Variants in NOX3 observed in about 807,000 individuals in gnomAD.
NOX3 encodes NADPH oxidase 3.
Under a neutral mutation model 76.7 loss-of-function variants are expected in NOX3, and 74 were observed. The observed-to-expected ratio is 0.96, with a 90% CI of 0.80 to 1.17. NOX3 has a LOEUF of 1.17. Ranked by LOEUF, NOX3 falls within the 50% of genes most tolerant of loss-of-function variation. NOX3 has a pLI of 0.00. For synonymous variants in NOX3, 263 were observed against 261.1 expected (o/e 1.01, Z -0.07); for missense variants, 695 against 703.3 (o/e 0.99, Z 0.13).
intron 10 of NOX3, among the ~76,000 whole-genome samples, chr6:155,415,450 A>C (rs1042082809): frequency 6.6e-6 from 1 of 152,198 alleles, no homozygotes; most frequent in Non-Finnish European, 1.5e-5. Flanking sequence ...TTATATCCAA[A>C]ATAAATTTCC....
At position 155,397,049 on chromosome 6, in the gene NOX3, G is replaced by A. The variant is rs140902802; in HGVS notation, c.1581-87C>T. 35 of 1,261,832 alleles carry A rather than the reference G, an allele frequency of 2.8e-5. No individual in the cohort carries two copies. In the East Asian group the frequency reaches 6.9e-4, roughly 25 times the overall value. 78.2% of individuals were successfully genotyped at this position (1,261,832 alleles called of 1,614,324 possible). A position where few individuals can be genotyped will look rare whatever the true frequency, so the allele number is the denominator to read the frequency against. On this transcript the variant is annotated intron_variant, in intron 12 of 13. Coordinates refer to ENST00000159060, the MANE Select transcript of NOX3 (RefSeq NM_015718.3). ...AAGACAATGATAAGATTAATGAAGT[G>A]GTTGTGGCTTTACTTATTTATTTTT...
At chr6:155,423,810 C>T (rs569442840) in intron 9 of NOX3, among the ~76,000 whole-genome samples, 14 of 150,710 alleles carry the variant, frequency 9.3e-5, no homozygotes, top group Non-Finnish European at 1.9e-4. Context: ...ATGCGATCTC[C>T]GCTCTCTGCA....
intron 10 of NOX3, among the ~76,000 whole-genome samples, chr6:155,421,149 G>T (rs1047206364): frequency 6.6e-6 from 1 of 152,044 alleles, no homozygotes; most frequent in Non-Finnish European, 1.5e-5. Flanking sequence ...AGGAGCTGGG[G>T]GTCACGTCTA....
chr6:155,451,321 G>A (rs1329285203), intron 4 of NOX3, among the ~76,000 whole-genome samples: 2 of 152,004 alleles, frequency 1.3e-5, no homozygotes, highest in Admixed American at 1.3e-4. Context: ...AGAGCATGAG[G>A]AACTTCTCAG....
At chr6:155,401,073 T>G (rs1779219681) in intron 12 of NOX3, among the ~76,000 whole-genome samples, 1 of 152,194 alleles carries the variant, frequency 6.6e-6, no homozygotes, top group African/African-American at 2.4e-5. Flanking sequence ...TATATATGCC[T>G]TCATGCATAA....
Position 155,455,793 on chromosome 6 carries a change from C to T in NOX3, c.8G>A (p.Gly3Glu), listed in dbSNP as rs1206103758. The T allele has an allele frequency of 6.2e-7, 1 of 1,613,680 alleles. No homozygotes were observed. The change falls in exon 1 of 14, where the codon GGG (glycine) becomes GAG (glutamate). Residue 3 changes from glycine (G) to glutamate (E), a missense_variant. Gly to Glu is a moderately conservative substitution (Grantham distance 98). Transcript: ENST00000159060. MM[G>E]CWILNEGLST... ...GAGACCCTCATTCAAAATCCAGCAC[C>T]CCATCATGATACTTGTTGCTCTTCG...
At chr6:155,398,292 G>C (rs1031655875) in intron 12 of NOX3, among the ~76,000 whole-genome samples, 2 of 152,130 alleles carry the variant, frequency 1.3e-5, no homozygotes, top group Admixed American at 1.3e-4. Context: ...CGCCCTGTGA[G>C]CCTCACTTTG....
rs138490015 is a variant in NOX3 at position 155,407,288 on chromosome 6, GA to G, written c.1456-35del. On this transcript the variant is annotated intron_variant, in intron 11 of 13. Transcript: ENST00000159060. ...AATTTGTGGCATTAGATGACATTTA[GA>G]AAAAAAAAATAAGACTTCTATAAAT... The G allele has an allele frequency of 5.5e-4, 786 of 1,436,670 alleles. 1 individual carries two copies. The highest frequency in any genetic ancestry group is 1.5e-3 in the African/African-American group (102 of 67,324). The allele number at this position is 1,436,670 out of a possible 1,614,324, so 89.0% of individuals were successfully genotyped here.
At chr6:155,419,591 T>C (rs966358012) in intron 10 of NOX3, among the ~76,000 whole-genome samples, 2 of 152,194 alleles carry the variant, frequency 1.3e-5, no homozygotes, top group Non-Finnish European at 2.9e-5. Context: ...TTATAAGCGA[T>C]GAAAACATTG....
At chr6:155,404,693 T>C (rs1018350239) in intron 12 of NOX3, among the ~76,000 whole-genome samples, 5 of 152,100 alleles carry the variant, frequency 3.3e-5, no homozygotes, top group Non-Finnish European at 7.4e-5. Context: ...TCAGGAGTAA[T>C]CCCCACAAGC....
intron 10 of NOX3, among the ~76,000 whole-genome samples, chr6:155,417,892 G>A (rs1157080722): frequency 2.0e-5 from 3 of 152,018 alleles, no homozygotes; most frequent in Non-Finnish European, 4.4e-5. Flanking sequence ...GAACCCAAAG[G>A]CCATTTTGCA....
chr6:155,409,478 T>A (rs1318970846), intron 11 of NOX3, among the ~76,000 whole-genome samples: 1 of 152,204 alleles, frequency 6.6e-6, no homozygotes, highest in Non-Finnish European at 1.5e-5. Flanking sequence ...GTACCGCCAA[T>A]CACTGATGTT....
intron 7 of NOX3, among the ~76,000 whole-genome samples, chr6:155,431,413 A>AAC (rs61041630): frequency 0.068 from 9,846 of 144,572 alleles, 371 homozygotes; most frequent in Middle Eastern, 0.16. Flanking sequence ...TAAACACAGA[A>AAC]ACACACACAC....
chr6:155,414,562 G>T (rs151015387), intron 10 of NOX3, among the ~76,000 whole-genome samples: 1 of 149,020 alleles, frequency 6.7e-6, no homozygotes, highest in African/African-American at 2.5e-5. Flanking sequence ...AACTTTCATA[G>T]TAATAAAATT....
chr6:155,395,922 T>C (rs1387379919), intron 13 of NOX3, among the ~76,000 whole-genome samples: 1 of 151,124 alleles, frequency 6.6e-6, no homozygotes, highest in East Asian at 1.9e-4. Context: ...GAAAGAAATA[T>C]GAAAGGAAGA....
In NOX3 at chr6:155,451,020, C is replaced by T. The variant is rs1050575887; in HGVS notation, c.340+2384G>A. On this transcript the variant is annotated intron_variant, in intron 4 of 13. Transcript: ENST00000159060. ...TGAGACAGAGTTTTGCTCTTATTGC[C>T]CAGGCTGGAGTACAATGGGGCATTC... 7.2e-5 allele frequency among the ~76,000 whole-genome samples: 11 copies of T among 151,816 alleles called. 1 individual carries two copies. Among genetic ancestry groups the T allele is most frequent in the Admixed American group, 5.2e-4 (8 of 15,254 alleles).
At chr6:155,409,024 T>C (rs1582928258) in intron 11 of NOX3, among the ~76,000 whole-genome samples, 1 of 152,144 alleles carries the variant, frequency 6.6e-6, no homozygotes, top group Non-Finnish European at 1.5e-5. Context: ...GTTTGGGTAA[T>C]GGGTAACCCC....
chr6:155,409,919 C>G (rs1044960533), intron 11 of NOX3, among the ~76,000 whole-genome samples: 12 of 152,102 alleles, frequency 7.9e-5, no homozygotes, highest in South Asian at 2.1e-4. Flanking sequence ...ATGAGAACCT[C>G]AGTCCCACAG....
chr6:155,439,816 GC>G (rs1776957154), intron 6 of NOX3, 139 bp downstream of exon 6: 1 of 573,584 alleles, frequency 1.7e-6, no homozygotes, highest in East Asian at 3.2e-5. Context: ...AAAAGCGTTT[GC>G]CACAGTCAAT....
Sources: gnomAD v4.1 joint callset for allele counts (sites outside exome capture counted in the v4.1 genomes callset) on GRCh38, gnomAD v4.1.1 for gene constraint, MANE v1.5 for transcripts, NCBI Gene and HGNC (gene_info 2026-07-23, HGNC 2026-07-21) for gene names.